SETD7: variants seen among roughly 807,000 people sequenced by gnomAD.
SETD7 encodes the protein SET domain containing 7, histone lysine methyltransferase, also known as histone-lysine N-methyltransferase SETD7.
In SETD7, 16 loss-of-function variants were observed where a neutral mutation model predicts 41.8. The observed-to-expected ratio is 0.38, with a 90% CI of 0.26 to 0.58. The LOEUF is 0.58. Among genes scored for constraint, SETD7 ranks in the 20% least tolerant of loss-of-function variants. The pLI, the probability that SETD7 is intolerant of heterozygous loss-of-function variation, is 0.64. For synonymous variants in SETD7, 163 were observed against 169.7 expected (o/e 0.96, Z 0.31); for missense variants, 346 against 459.7 (o/e 0.75, Z 2.26).
chr4:139,498,247 T>G (rs1375402224), intron 7 of SETD7, among the ~76,000 whole-genome samples: 2 of 152,182 alleles, frequency 1.3e-5, no homozygotes, highest in Non-Finnish European at 2.9e-5. Flanking sequence ...TTCCTAGAGA[T>G]AGCAAAGGCC....
intron 7 of SETD7, among the ~76,000 whole-genome samples, chr4:139,515,985 A>G (rs1727011851): frequency 6.6e-6 from 1 of 152,190 alleles, no homozygotes; most frequent in South Asian, 2.1e-4. Context: ...TCCCAATTAT[A>G]TCCTCTAGAG....
At chr4:139,551,954 T>C (rs745531852) in intron 1 of SETD7, among the ~76,000 whole-genome samples, 1 of 152,242 alleles carries the variant, frequency 6.6e-6, no homozygotes, top group Non-Finnish European at 1.5e-5. Flanking sequence ...AATCACCAAC[T>C]CTTAAAAACA....
intron 7 of SETD7, among the ~76,000 whole-genome samples, chr4:139,514,326 T>A (rs983228922): frequency 6.6e-6 from 1 of 151,906 alleles, no homozygotes; most frequent in Non-Finnish European, 1.5e-5. Context: ...CTAAAAAAAA[T>A]GTTCCTGAAA....
chr4:139,548,360 G>T (rs1392564103), intron 1 of SETD7, among the ~76,000 whole-genome samples: 1 of 152,204 alleles, frequency 6.6e-6, no homozygotes, highest in Non-Finnish European at 1.5e-5. Flanking sequence ...GCCGGGCATG[G>T]TGGCTCACGC....
chr4:139,504,136 C>CT, downstream of SETD7, among the ~76,000 whole-genome samples: 1 of 152,302 alleles, frequency 6.6e-6, no homozygotes, highest in East Asian at 1.9e-4. Flanking sequence ...TTCTTTATTA[C>CT]TTAGGCCATA....
chr4:139,550,044 G>A (rs946761592), intron 1 of SETD7, among the ~76,000 whole-genome samples: 2 of 151,904 alleles, frequency 1.3e-5, no homozygotes, highest in African/African-American at 4.8e-5. Context: ...CCTCCAAAAC[G>A]GCTAATTAAA....
At chr4:139,498,638 G>A (rs996804897) in intron 7 of SETD7, among the ~76,000 whole-genome samples, 1 of 152,188 alleles carries the variant, frequency 6.6e-6, no homozygotes, top group Non-Finnish European at 1.5e-5. Context: ...AGGCCTCAGA[G>A]GCAGCTTCAG....
chr4:139,498,214 GC>G (rs1385434016), intron 7 of SETD7, among the ~76,000 whole-genome samples: 2 of 152,108 alleles, frequency 1.3e-5, no homozygotes, highest in African/African-American at 4.8e-5. Context: ...TGGAGGGACT[GC>G]CCCCCACCCA....
intron 3 of SETD7, among the ~76,000 whole-genome samples, chr4:139,531,700 T>C (rs979281864): frequency 1.3e-5 from 2 of 152,230 alleles, no homozygotes; most frequent in African/African-American, 4.8e-5. Flanking sequence ...AGAACAATGA[T>C]GTGTAAGTGG....
intron 2 of SETD7, among the ~76,000 whole-genome samples, chr4:139,540,087 CT>C (rs1185751863): frequency 6.6e-6 from 1 of 152,038 alleles, no homozygotes; most frequent in Non-Finnish European, 1.5e-5. Flanking sequence ...AATAATCCAT[CT>C]TTTCCCCTAA....
intron 2 of SETD7, among the ~76,000 whole-genome samples, chr4:139,543,827 G>A (rs891990673): frequency 6.6e-6 from 1 of 150,806 alleles, no homozygotes; most frequent in Non-Finnish European, 1.5e-5. Context: ...AGCCGGGCGT[G>A]GTGGTGGGCG....
At chr4:139,547,630 G>A (rs1369166431) in intron 1 of SETD7, among the ~76,000 whole-genome samples, 1 of 152,198 alleles carries the variant, frequency 6.6e-6, no homozygotes, top group Non-Finnish European at 1.5e-5. Context: ...TTCACACAAG[G>A]AACAGTGTCA....
chr4:139,553,428 A>AAT (rs2111181613), intron 1 of SETD7, among the ~76,000 whole-genome samples: 1 of 152,330 alleles, frequency 6.6e-6, no homozygotes, highest in South Asian at 2.1e-4. Flanking sequence ...GCACTGACAT[A>AAT]ATATTTAACT....
chr4:139,536,670 C>T (rs1727646346), intron 2 of SETD7, among the ~76,000 whole-genome samples: 1 of 151,808 alleles, frequency 6.6e-6, no homozygotes, highest in Non-Finnish European at 1.5e-5. Context: ...TGAAATTGTG[C>T]CACTGCACTC....
chr4:139,550,165 C>G lies in SETD7; in HGVS notation c.41-3116G>C, dbSNP rs186533265. 6.9e-3 allele frequency among the ~76,000 whole-genome samples: 1,051 copies of G among 152,286 alleles called. 20 individuals carry two copies. Among genetic ancestry groups the G allele is most frequent in the African/African-American group, 0.024 (1,004 of 41,566 alleles). ...TGCTGGGATTACAGGCAAGAACCAC[C>G]ACACCTGGCCTCAGTGCCTTTCAAC... On this transcript the variant is annotated intron_variant, in intron 1 of 7. Coordinates refer to ENST00000274031, the MANE Select transcript of SETD7 (RefSeq NM_030648.4).
At chr4:139,543,088 T>C (rs1389163352) in intron 2 of SETD7, among the ~76,000 whole-genome samples, 1 of 152,210 alleles carries the variant, frequency 6.6e-6, no homozygotes, top group African/African-American at 2.4e-5. Context: ...ACAACTTTCT[T>C]CAATACAAAG....
intron 2 of SETD7, among the ~76,000 whole-genome samples, chr4:139,544,736 C>G (rs1046072580): frequency 1.3e-5 from 2 of 151,884 alleles, no homozygotes; most frequent in Admixed American, 1.3e-4. Flanking sequence ...AACAAATCTG[C>G]TGGACTGTTT....
chr4:139,502,945 G>C (rs184842883), downstream of SETD7, among the ~76,000 whole-genome samples: 1 of 152,186 alleles, frequency 6.6e-6, no homozygotes, highest in East Asian at 1.9e-4. Context: ...CATTTTGAGA[G>C]ACTGAGGTGG....
intron 2 of SETD7, among the ~76,000 whole-genome samples, chr4:139,535,022 C>A (rs1727599613): frequency 6.6e-6 from 1 of 152,042 alleles, no homozygotes; most frequent in East Asian, 1.9e-4. Context: ...TTCCTAAATT[C>A]ATGAAGAGAA....
Sources: allele counts gnomAD v4.1 joint callset (sites outside exome capture counted in the v4.1 genomes callset), GRCh38; gene constraint gnomAD v4.1.1; transcripts MANE v1.5; gene names NCBI Gene and HGNC (gene_info 2026-07-23, HGNC 2026-07-21).